Variants in KCNH3 observed in about 807,000 individuals in gnomAD.
KCNH3 encodes potassium voltage-gated channel subfamily H member 3, also known as voltage-gated inwardly rectifying potassium channel KCNH3.
A neutral mutation model predicts 95.6 loss-of-function variants in KCNH3; 36 were observed. The observed-to-expected ratio is 0.38, with a 90% CI of 0.29 to 0.50. The LOEUF (loss-of-function observed/expected upper bound fraction) is 0.50. Ranked by LOEUF, KCNH3 falls within the 20% of genes least tolerant of loss-of-function variation. The pLI, the probability that KCNH3 is intolerant of heterozygous loss-of-function variation, is 0.95. For missense variants in KCNH3, 1,030 were observed against 1,484.1 expected (o/e 0.69, Z 5.03); for synonymous variants, 620 against 646.3 (o/e 0.96, Z 0.62).
chr12:49,544,688 C>G (rs547566504), intron 7 of KCNH3, among the ~76,000 whole-genome samples: 19 of 152,192 alleles, frequency 1.2e-4, no homozygotes, highest in African/African-American at 4.6e-4. Flanking sequence ...GAGCCACTGC[C>G]CTCCAGGGTT....
rs762856194 is a variant in KCNH3 at position 49,558,143 on chromosome 12, G to A, written c.*190G>A. The A allele has an allele frequency of 5.5e-6, 3 of 547,636 alleles. No individual in the cohort carries two copies. The highest frequency in any genetic ancestry group is 8.5e-6 in the Non-Finnish European group (3 of 354,794). The allele number at this position is 547,636 out of a possible 1,614,324, so 33.9% of individuals were successfully genotyped here. On this transcript the variant is annotated 3_prime_UTR_variant, in exon 15 of 15. Coordinates refer to ENST00000257981, the MANE Select transcript of KCNH3 (RefSeq NM_012284.3). Reference sequence around the variant, plus strand: ...GAGGATAGGCTGGATCCCTGGGGCAGGCCTCTCCTCGGCCTGCTCCTCTGA... The same window carrying A: ...GAGGATAGGCTGGATCCCTGGGGCAAGCCTCTCCTCGGCCTGCTCCTCTGA...
At chr12:49,541,872 C>T in intron 3 of KCNH3, 108 bp downstream of exon 3, 1 of 1,187,108 alleles carries the variant, frequency 8.4e-7, no homozygotes, top group Non-Finnish European at 1.2e-6. Context: ...GCATTCATTT[C>T]ACTCCCACTC....
rs375049572 is a variant in KCNH3, at chr12:49,544,344, G to A, written c.1151G>A (p.Arg384Gln). 3.5e-5 allele frequency: 57 copies of A among 1,613,478 alleles called. No homozygotes were observed. The highest frequency in any genetic ancestry group is 6.6e-5 in the South Asian group (6 of 91,082). Reference protein sequence around the residue: ...VACVWFYIGQREIESSESELP... With the variant: ...VACVWFYIGQQEIESSESELP... The stretch of plus-strand genomic sequence containing the variant: ...TGCGTCTGGTTTTACATTGGCCAGC[G>A]GGAGATCGAGAGCAGCGAATCCGAG... The change falls in exon 7 of 15, where the codon CGG (arginine) becomes CAG (glutamine). Residue 384 changes from arginine to glutamine, a missense_variant. Coordinates refer to ENST00000257981, the MANE Select transcript of KCNH3 (RefSeq NM_012284.3).
chr12:49,549,522 G>A lies in KCNH3; in HGVS notation c.1550G>A (p.Arg517His), dbSNP rs201995852. ...MYARRFLYHSRTRDLRDYIRI... is the reference protein window; with the variant it reads ...MYARRFLYHSHTRDLRDYIRI... ...GCCCGCCGCTTTCTGTACCACAGCC[G>A]CACGCGCGACCTGCGCGACTACATC... The change falls in exon 9 of 15, where the codon CGC becomes CAC. Residue 517 changes from arginine to histidine, a missense_variant. Transcript: ENST00000257981. 6.8e-6 allele frequency: 11 copies of A among 1,613,562 alleles called. No homozygotes were observed. The highest frequency in any genetic ancestry group is 1.3e-5 in the African/African-American group (1 of 74,946).
intron 8 of KCNH3, 85 bp from the exon 9 acceptor site, chr12:49,549,356 G>T: frequency 6.5e-7 from 1 of 1,534,430 alleles, no homozygotes; most frequent in Admixed American, 1.7e-5. Flanking sequence ...GCCTAGGAGC[G>T]TGCGGGCCGA....
chr12:49,557,384 A>G lies in KCNH3; in HGVS notation c.2683A>G (p.Met895Val), dbSNP rs779519052. 3 of 1,601,108 alleles carry G rather than the reference A, an allele frequency of 1.9e-6. No homozygotes were observed. The Admixed American group carries it at 5.0e-5, about 27-fold the overall frequency. The stretch of plus-strand genomic sequence containing the variant: ...AGAGCTGTCAGAGCAGGTGCTGCAG[A>G]TGCGGGAAGGACTGCAGTCACTTCG... ...VTELSEQVLQ[M>V]REGLQSLRQA... The change falls in exon 15 of 15, where the codon ATG becomes GTG. Residue 895 changes from methionine (M) to valine (V), a missense_variant. By Grantham distance (21) the Met-to-Val change is conservative. Transcript: ENST00000257981.
chr12:49,549,725 T>G, intron 9 of KCNH3, 85 bp downstream of exon 9: 1 of 1,350,460 alleles, frequency 7.4e-7, no homozygotes, highest in Non-Finnish European at 1.0e-6. Flanking sequence ...TGGGGGAGGA[T>G]GAATGCAGAA....
Position 49,555,740 on chromosome 12 carries a change from C to T in KCNH3, c.2257C>T (p.Leu753=). The change falls in exon 12 of 15, where the codon CTG becomes TTG. Residue 753 remains leucine, a synonymous_variant. Coordinates refer to ENST00000257981, the MANE Select transcript of KCNH3 (RefSeq NM_012284.3). Reference sequence around the variant, plus strand: ...CCCAGCTGATGAGCCCTCCAGCCCCCTGCTGTCCCCTGGCTGCACCTCCTC... The same window carrying T: ...CCCAGCTGATGAGCCCTCCAGCCCCTTGCTGTCCCCTGGCTGCACCTCCTC... ...PAPADEPSSP[L]LSPGCTSSSS... 6.2e-7 allele frequency: 1 copy of T among 1,613,428 alleles called. No individual in the cohort carries two copies. The highest frequency in any genetic ancestry group is 8.5e-7 in the Non-Finnish European group (1 of 1,179,784).
At chr12:49,553,051 C>T (rs1938317047) in intron 10 of KCNH3, among the ~76,000 whole-genome samples, 1 of 152,172 alleles carries the variant, frequency 6.6e-6, no homozygotes. Context: ...CACTTTCTAA[C>T]AGTCTGAACT....
rs12300376 is a variant in KCNH3, at chr12:49,556,801, T to C, written c.2575+325T>C. ...CGTTATATAATGTAACTGAAAGCCT[T>C]AGCCCAATCTCTGGCTAACTGAAGG... is the stretch of plus-strand genomic sequence containing the variant. On this transcript the variant is annotated intron_variant, in intron 13 of 14. Transcript: ENST00000257981. 7.6e-3 allele frequency: 4,953 copies of C among 649,536 alleles called. 167 individuals are homozygous for C. The African/African-American group carries it at 0.078, about 10-fold the overall frequency. 40.2% of individuals were successfully genotyped at this position (649,536 alleles called of 1,614,324 possible). A position where few individuals can be genotyped will look rare whatever the true frequency, so the allele number is the denominator to read the frequency against.
chr12:49,541,251 C>T (rs776100730), intron 2 of KCNH3, 119 bp downstream of exon 2: 24 of 764,658 alleles, frequency 3.1e-5, no homozygotes, highest in Non-Finnish European at 4.9e-5. Context: ...CATGTCATCC[C>T]ATCTTCCCAT....
chr12:49,549,709 C>A, intron 9 of KCNH3, 69 bp downstream of exon 9: 2 of 1,434,320 alleles, frequency 1.4e-6, no homozygotes, highest in Non-Finnish European at 1.9e-6. Context: ...CTAGAATTAT[C>A]AGGAGTGGGG....
intron 10 of KCNH3, among the ~76,000 whole-genome samples, chr12:49,551,568 C>G (rs1418602291): frequency 8.5e-6 from 1 of 117,718 alleles, no homozygotes; most frequent in Non-Finnish European, 1.6e-5. Flanking sequence ...AAGCGAGACT[C>G]TGTCTCAAAA....
chr12:49,557,192 T>G lies in KCNH3; in HGVS notation c.2585T>G (p.Leu862Arg). The change falls in exon 14 of 15, where the codon CTG (leucine) becomes CGG (arginine). Residue 862 changes from leucine (L) to arginine (R), a missense_variant. Leu to Arg is a moderately radical substitution (Grantham distance 102). This residue lies in a region of KCNH3 where 464 missense variants were observed against 493.2 expected (regional missense o/e 0.94). Coordinates refer to ENST00000257981, the MANE Select transcript of KCNH3 (RefSeq NM_012284.3). ...SSPSPGPESG[L>R]LTVPHGPSEA... ...ATCCTACTACCCACAGAGAGCGGCC[T>G]GCTCACTGTTCCCCATGGGCCCAGC... 1 of 1,613,708 alleles carries G rather than the reference T, an allele frequency of 6.2e-7. No homozygotes were observed.
At position 49,558,283 on chromosome 12, in the gene KCNH3, A is replaced by AT. The variant is rs1219356880; in HGVS notation, c.*330_*331insT. 6 of 394,458 alleles carry AT rather than the reference A, an allele frequency of 1.5e-5. No homozygotes were observed. Among genetic ancestry groups the AT allele is most frequent in the Non-Finnish European group, 2.7e-5 (6 of 224,782 alleles). The allele number at this position is 394,458 out of a possible 1,614,324, so 24.4% of individuals were successfully genotyped here. On this transcript the variant is annotated 3_prime_UTR_variant, in exon 15 of 15. Transcript: ENST00000257981. ...GTCCCCAAATTTTTATATTAAAAAA[A>AT]AAAAATAAAATAAACTACTTTGGAA...
intron 10 of KCNH3, among the ~76,000 whole-genome samples, chr12:49,553,081 G>C (rs1699902945): frequency 6.6e-6 from 1 of 152,118 alleles, no homozygotes; most frequent in Admixed American, 6.6e-5. Flanking sequence ...TGGTTGAGCT[G>C]CCTTGAGGGT....
intron 7 of KCNH3, 97 bp from the exon 8 acceptor site, chr12:49,548,798 T>C: frequency 1.5e-6 from 2 of 1,301,934 alleles, no homozygotes; most frequent in Non-Finnish European, 2.1e-6. Context: ...CGGGAAGCCA[T>C]GGGGCTGGGT....
chr12:49,554,545 C>T lies in KCNH3; in HGVS notation c.2127C>T (p.Gly709=). The change falls in exon 11 of 15, where the codon GGC becomes GGT. Residue 709 remains glycine (G), a synonymous_variant. Transcript: ENST00000257981. The stretch of plus-strand genomic sequence containing the variant: ...GCTACAACCTGGGTGCTGGGGGAGG[C>T]TCTGCAGAGGTGAGTGTGCTGAGTA... The part of the protein sequence containing the change: ...ELSYNLGAGG[G]SAEVDTSSLS... 1 of 1,612,602 alleles carries T rather than the reference C, an allele frequency of 6.2e-7. No homozygotes were observed. The highest frequency in any genetic ancestry group is 1.1e-5 in the South Asian group (1 of 91,064).
At chr12:49,544,138 ACCTCCCTCCCTCCCTC>A (rs145700366) in intron 6 of KCNH3, 21 bp from the exon 7 acceptor site, 73 of 1,530,096 alleles carry the variant, frequency 4.8e-5, no homozygotes, top group East Asian at 1.2e-4. Flanking sequence ...CGGCCCGCTG[ACCTCCCTCCCTCCCTC>A]CCTCCCTCCC....
Sources: allele counts gnomAD v4.1 joint callset (sites outside exome capture counted in the v4.1 genomes callset), GRCh38; gene constraint gnomAD v4.1.1; regional missense constraint gnomAD v4.1.1; transcripts MANE v1.5; gene names NCBI Gene and HGNC (gene_info 2026-07-23, HGNC 2026-07-21).